Variants in LRRC28 observed in about 807,000 individuals in gnomAD.
LRRC28 encodes leucine rich repeat containing 28, also known as leucine-rich repeat-containing protein 28.
In LRRC28, 39 loss-of-function variants were observed where a neutral mutation model predicts 45.7. The observed-to-expected ratio is 0.85, with a 90% CI of 0.66 to 1.12. The LOEUF (loss-of-function observed/expected upper bound fraction) is 1.12. Ranked by LOEUF, LRRC28 falls within the 50% of genes most tolerant of loss-of-function variation. The pLI is 0.00. For missense variants in LRRC28, 435 were observed against 438.5 expected, an observed-to-expected ratio of 0.99 and a Z score of 0.07; for synonymous variants, 206 against 178.8, an observed-to-expected ratio of 1.15 and a Z score of -1.22.
rs192774200 is a variant in LRRC28 at position 99,283,330 on chromosome 15, C to A, written c.210-3927C>A. On this transcript the variant is annotated intron_variant, in intron 3 of 9. Coordinates refer to ENST00000301981, the MANE Select transcript of LRRC28 (RefSeq NM_144598.5). ...GTTAACATCTTAGAATTCCATGGTACAGGCCAGGCATGGTGGCTCATGCCT... is the reference window on the plus strand; with the variant it reads ...GTTAACATCTTAGAATTCCATGGTAAAGGCCAGGCATGGTGGCTCATGCCT... 7.3e-5 allele frequency among the ~76,000 whole-genome samples: 11 copies of A among 151,162 alleles called. No individual in the cohort carries two copies. In the East Asian group the frequency reaches 2.2e-3, roughly 30 times the overall value.
chr15:99,262,653 T>A (rs2081230249), intron 2 of LRRC28, among the ~76,000 whole-genome samples: 1 of 152,118 alleles, frequency 6.6e-6, no homozygotes, highest in Non-Finnish European at 1.5e-5. Flanking sequence ...AAACTTTTTG[T>A]TTTGTTTTGA....
intron 5 of LRRC28, chr15:99,331,829 C>T (rs1165703583): frequency 6.6e-6 from 1 of 152,252 alleles, no homozygotes; most frequent in Non-Finnish European, 1.5e-5. Context: ...AACCCCCCGC[C>T]ATGCCCTGCT....
chr15:99,265,856 G>A (rs1382010136), intron 2 of LRRC28, among the ~76,000 whole-genome samples: 1 of 152,156 alleles, frequency 6.6e-6, no homozygotes, highest in Admixed American at 6.5e-5. Flanking sequence ...ATCTCAACCT[G>A]GAAGCAAAAT....
intron 5 of LRRC28, among the ~76,000 whole-genome samples, chr15:99,322,851 G>A (rs1955846526): frequency 6.6e-6 from 1 of 152,198 alleles, no homozygotes; most frequent in Non-Finnish European, 1.5e-5. Flanking sequence ...AAGCAAGCAA[G>A]AGCCAAATAA....
chr15:99,280,573 A>G (rs1336154194), intron 3 of LRRC28, among the ~76,000 whole-genome samples: 1 of 152,004 alleles, frequency 6.6e-6, no homozygotes, highest in Non-Finnish European at 1.5e-5. Flanking sequence ...AGAAACATCT[A>G]CAGTTGTTAT....
intron 9 of LRRC28, among the ~76,000 whole-genome samples, chr15:99,373,530 A>G (rs1006165203): frequency 1.3e-5 from 2 of 152,208 alleles, no homozygotes; most frequent in African/African-American, 4.8e-5. Context: ...ATTACTAACA[A>G]TGCAATTATA....
At chr15:99,378,137 A>T (rs1026137766) in intron 9 of LRRC28, among the ~76,000 whole-genome samples, 2 of 152,188 alleles carry the variant, frequency 1.3e-5, no homozygotes, top group African/African-American at 4.8e-5. Flanking sequence ...CTTGGGCAGT[A>T]TGGCCATTTT....
At position 99,352,305 on chromosome 15, in the gene LRRC28, T is replaced by G. The variant is rs566718516; in HGVS notation, c.593-64T>G. 8.1e-6 allele frequency: 9 copies of G among 1,111,072 alleles called. No homozygotes were observed. The South Asian group carries it at 1.1e-4, about 14-fold the overall frequency. The allele number at this position is 1,111,072 out of a possible 1,614,324, so 68.8% of individuals were successfully genotyped here. The stretch of plus-strand genomic sequence containing the variant: ...ATATTTCTAATACTATGTATTAAAT[T>G]TTATATTTCACATTATAATGGTGCC... On this transcript the variant is annotated intron_variant, in intron 6 of 9. Coordinates refer to ENST00000301981, the MANE Select transcript of LRRC28 (RefSeq NM_144598.5).
chr15:99,261,675 T>A (rs75907590), intron 2 of LRRC28, among the ~76,000 whole-genome samples: 15 of 152,070 alleles, frequency 9.9e-5, no homozygotes, highest in Admixed American at 9.8e-4. Context: ...TTTTTTTTTT[T>A]AGATGGAGTT....
Position 99,388,454 on chromosome 15 carries a change from A to G in LRRC28, c.*2352A>G, listed in dbSNP as rs1196915135. ...ACAACAGCAGTGGGCTGGGCAGACA[A>G]CCTTTGGGCAGTCTCAACCTTAATC... On this transcript the variant is annotated 3_prime_UTR_variant, in exon 10 of 10. Coordinates refer to ENST00000301981, the MANE Select transcript of LRRC28 (RefSeq NM_144598.5). 2 of 152,230 alleles carry G rather than the reference A, an allele frequency of 1.3e-5. No individual in the cohort carries two copies. The highest frequency in any genetic ancestry group is 2.9e-5 in the Non-Finnish European group (2 of 68,044). 9.4% of individuals were successfully genotyped at this position (152,230 alleles called of 1,614,324 possible).
chr15:99,302,453 A>G (rs751585420), intron 5 of LRRC28, among the ~76,000 whole-genome samples: 1 of 152,004 alleles, frequency 6.6e-6, no homozygotes. Context: ...CAATGGCGCA[A>G]TCTTGGCTCA....
intron 6 of LRRC28, among the ~76,000 whole-genome samples, chr15:99,346,792 A>T (rs1431189849): frequency 6.6e-6 from 1 of 152,188 alleles, no homozygotes; most frequent in Non-Finnish European, 1.5e-5. Context: ...ACCTATTAAA[A>T]AAATAAATAA....
At chr15:99,336,278 T>G (rs1336627461) in intron 6 of LRRC28, among the ~76,000 whole-genome samples, 1 of 152,194 alleles carries the variant, frequency 6.6e-6, no homozygotes, top group African/African-American at 2.4e-5. Context: ...CAACCTAATT[T>G]TATAGATAAG....
chr15:99,296,649 G>T (rs2082271681), intron 5 of LRRC28, among the ~76,000 whole-genome samples: 1 of 152,146 alleles, frequency 6.6e-6, no homozygotes, highest in African/African-American at 2.4e-5. Context: ...TATTTTGTGG[G>T]GTTATCTGCA....
chr15:99,291,749 G>A (rs1350803744), intron 5 of LRRC28, among the ~76,000 whole-genome samples: 11 of 152,186 alleles, frequency 7.2e-5, no homozygotes, highest in African/African-American at 2.7e-4. Context: ...AAATTTGCCA[G>A]TTAGTTTTCA....
intron 5 of LRRC28, among the ~76,000 whole-genome samples, chr15:99,316,362 TTTA>T (rs1481013040): frequency 6.6e-6 from 1 of 152,214 alleles, no homozygotes; most frequent in African/African-American, 2.4e-5. Context: ...TCCTTTTAAT[TTTA>T]TTTACTCTAG....
chr15:99,375,174 GT>G (rs958938097), intron 9 of LRRC28, among the ~76,000 whole-genome samples: 2 of 152,162 alleles, frequency 1.3e-5, no homozygotes, highest in Admixed American at 6.5e-5. Flanking sequence ...TTTGCTGAGA[GT>G]TTTAATCAAG....
intron 9 of LRRC28, among the ~76,000 whole-genome samples, chr15:99,373,283 A>G (rs1957535570): frequency 6.6e-6 from 1 of 152,158 alleles, no homozygotes; most frequent in Admixed American, 6.5e-5. Flanking sequence ...GGTTCTTTTC[A>G]ATTGTGATTT....
At chr15:99,347,249 A>C (rs370210977) in intron 6 of LRRC28, among the ~76,000 whole-genome samples, 42 of 149,364 alleles carry the variant, frequency 2.8e-4, no homozygotes, top group African/African-American at 8.4e-4. Flanking sequence ...TCCCTCTGTC[A>C]CCCAGGCTGG....
Sources: gnomAD v4.1 joint callset for allele counts (sites outside exome capture counted in the v4.1 genomes callset) on GRCh38, gnomAD v4.1.1 for gene constraint, MANE v1.5 for transcripts, NCBI Gene and HGNC (gene_info 2026-07-23, HGNC 2026-07-21) for gene names.